Variants in CEMIP observed in about 807,000 individuals in gnomAD.
CEMIP encodes cell migration inducing hyaluronidase 1, also known as cell migration-inducing and hyaluronan-binding protein.
Under a neutral mutation model 156.9 loss-of-function variants are expected in CEMIP, and 105 were observed. The observed-to-expected ratio is 0.67, with a 90% CI of 0.57 to 0.79. The LOEUF (loss-of-function observed/expected upper bound fraction) is 0.79, where lower values mean the gene tolerates loss of function less well. Ranked by LOEUF, CEMIP falls within the 30% of genes least tolerant of loss-of-function variation. The pLI is 0.00. For missense variants in CEMIP, 1,457 were observed against 1,769.4 expected, an observed-to-expected ratio of 0.82 and a Z score of 3.17; for synonymous variants, 676 against 668.4, an observed-to-expected ratio of 1.01 and a Z score of -0.17.
At chr15:80,937,007 T>A in intron 24 of CEMIP, 122 bp downstream of exon 24, 1 of 926,276 alleles carries the variant, frequency 1.1e-6, no homozygotes, top group Admixed American at 1.9e-5. Flanking sequence ...CAGGAGTACC[T>A]AGAGGGGTTG....
At chr15:80,884,395 T>C in intron 7 of CEMIP, 41 bp downstream of exon 7, 4 of 1,593,840 alleles carry the variant, frequency 2.5e-6, no homozygotes, top group East Asian at 2.2e-5. Flanking sequence ...CTCTGGAACA[T>C]TGAAGCCACT....
intron 1 of CEMIP, among the ~76,000 whole-genome samples, chr15:80,812,533 C>A (rs28603083): frequency 0.011 from 1,639 of 152,176 alleles, 26 homozygotes; most frequent in African/African-American, 0.037. Context: ...TGCTTGTGGG[C>A]CTATTGTGAG....
At chr15:80,784,068 T>A (rs1895865405) in intron 1 of CEMIP, among the ~76,000 whole-genome samples, 1 of 152,214 alleles carries the variant, frequency 6.6e-6, no homozygotes, top group Non-Finnish European at 1.5e-5. Flanking sequence ...CACAGGCACC[T>A]GCTCAGAGCA....
At position 80,841,097 on chromosome 15, in the gene CEMIP, G is replaced by T. The variant is rs550420212; in HGVS notation, c.-175-32441G>T. Among the ~76,000 whole-genome samples, 8 of 152,310 alleles carry T rather than the reference G, an allele frequency of 5.3e-5. No homozygotes were observed. In the East Asian group the frequency reaches 7.7e-4, roughly 15 times the overall value. ...GTAGGCTGTGCCCCAGCTGAACGGG[G>T]CACCTGTGGCTTTGCCAGCTGATGG... On this transcript the variant is annotated intron_variant, in intron 1 of 29. Transcript: ENST00000394685.
chr15:80,847,610 T>C (rs1897595276), intron 1 of CEMIP, among the ~76,000 whole-genome samples: 1 of 152,180 alleles, frequency 6.6e-6, no homozygotes, highest in Non-Finnish European at 1.5e-5. Context: ...GCAAGATGCC[T>C]TTGACAAACA....
At chr15:80,936,938 T>C in intron 24 of CEMIP, 53 bp downstream of exon 24, 1 of 1,550,466 alleles carries the variant, frequency 6.4e-7, no homozygotes, top group Non-Finnish European at 8.9e-7. Flanking sequence ...AACGATGCCT[T>C]GTTGCAAAGT....
chr15:80,848,639 C>G (rs1169765732), intron 1 of CEMIP, among the ~76,000 whole-genome samples: 1 of 152,210 alleles, frequency 6.6e-6, no homozygotes, highest in African/African-American at 2.4e-5. Context: ...AGGAAGCCAT[C>G]TCTTGATGTC....
intron 1 of CEMIP, among the ~76,000 whole-genome samples, chr15:80,825,442 C>A (rs1028513222): frequency 1.3e-5 from 2 of 152,150 alleles, no homozygotes; most frequent in Non-Finnish European, 2.9e-5. Flanking sequence ...CCCTTTCCCC[C>A]ACCCTCGGTG....
At chr15:80,840,248 C>G (rs1330318568) in intron 1 of CEMIP, among the ~76,000 whole-genome samples, 2 of 152,144 alleles carry the variant, frequency 1.3e-5, no homozygotes, top group Admixed American at 1.3e-4. Flanking sequence ...GGGAATTCCA[C>G]ACAGAGTAGG....
chr15:80,837,963 C>T (rs1201226150), intron 1 of CEMIP, among the ~76,000 whole-genome samples: 1 of 152,238 alleles, frequency 6.6e-6, no homozygotes, highest in Non-Finnish European at 1.5e-5. Context: ...TAGGTGAGAA[C>T]ACCCTTTCTC....
chr15:80,932,589 T>C lies in CEMIP; in HGVS notation c.2793+550T>C, dbSNP rs1304958796. ...GGGGCCAGTCCTCCTGTGCATTTCC[T>C]TCAGGTTATGGATTCCCAGACTTTT... On this transcript the variant is annotated intron_variant, in intron 22 of 29. Coordinates refer to ENST00000394685, the MANE Select transcript of CEMIP (RefSeq NM_001293298.2). This position sits in a 1 kb window ranked among gnomAD's most constrained non-coding sequence, Gnocchi z 4.5. Among the ~76,000 whole-genome samples, 2 of 152,200 alleles carry C rather than the reference T, an allele frequency of 1.3e-5. No individual in the cohort carries two copies.
chr15:80,854,785 G>A (rs1897806411), intron 1 of CEMIP, among the ~76,000 whole-genome samples: 1 of 152,058 alleles, frequency 6.6e-6, no homozygotes, highest in Non-Finnish European at 1.5e-5. Context: ...GAGAAAACCA[G>A]GAAGAGGAAA....
At chr15:80,855,336 G>A (rs1043603114) in intron 1 of CEMIP, among the ~76,000 whole-genome samples, 8 of 152,184 alleles carry the variant, frequency 5.3e-5, no homozygotes, top group East Asian at 1.9e-4. Flanking sequence ...TGAAGAAGCT[G>A]CAGAACAGGG....
At position 80,849,669 on chromosome 15, in the gene CEMIP, C is replaced by CAGAGAG. The variant is rs151265419; in HGVS notation, c.-175-23854_-175-23849dup. ...CTGTGTGGTTGAGCAGAATGACCAC[C>CAGAGAG]AGAGAGAGAGAGAGAGAGAGTAAGC... On this transcript the variant is annotated intron_variant, in intron 1 of 29. Transcript: ENST00000394685. Among the ~76,000 whole-genome samples the CAGAGAG allele has an allele frequency of 1.8e-3, 266 of 150,174 alleles. 2 individuals are homozygous for CAGAGAG. The highest frequency in any genetic ancestry group is 5.3e-4 in the Non-Finnish European group (36 of 67,466).
intron 1 of CEMIP, among the ~76,000 whole-genome samples, chr15:80,858,918 T>C (rs537668578): frequency 1.3e-5 from 2 of 152,298 alleles, no homozygotes; most frequent in South Asian, 4.1e-4. Context: ...GTCTTGGTGC[T>C]CAAGTATTAG....
In CEMIP at chr15:80,925,672, C is replaced by G. The variant is rs769943591; in HGVS notation, c.2337C>G (p.Ala779=). 6.8e-6 allele frequency: 11 copies of G among 1,613,790 alleles called. No homozygotes were observed. In the Admixed American group the frequency reaches 1.7e-4, roughly 24 times the overall value. Residue 779 remains alanine, a synonymous_variant, in exon 19 of 30, where the codon GCC becomes GCG. Transcript: ENST00000394685. ...DADPLKPREP[A]IIRHFIAYKN... ...ACCCGCTGAAGCCCCGGGAGCCGGC[C>G]ATCATCAGACACTTCATTGCCTACA...
intron 1 of CEMIP, among the ~76,000 whole-genome samples, chr15:80,865,216 C>T (rs923863796): frequency 1.3e-5 from 2 of 152,174 alleles, no homozygotes; most frequent in African/African-American, 4.8e-5. Flanking sequence ...GAGTCTCGCT[C>T]TGTCACCCAG....
chr15:80,894,561 T>G (rs2141857187), intron 10 of CEMIP, among the ~76,000 whole-genome samples: 1 of 152,296 alleles, frequency 6.6e-6, no homozygotes, highest in African/African-American at 2.4e-5. Context: ...GGACTGGGCA[T>G]GAGTATTTTT....
intron 14 of CEMIP, among the ~76,000 whole-genome samples, chr15:80,916,257 C>G (rs1262892476): frequency 6.6e-6 from 1 of 152,224 alleles, no homozygotes; most frequent in African/African-American, 2.4e-5. Flanking sequence ...GTCACACCCT[C>G]CCCCGCCACT....
Sources: allele counts gnomAD v4.1 joint callset (sites outside exome capture counted in the v4.1 genomes callset), GRCh38; gene constraint gnomAD v4.1.1; non-coding constraint Gnocchi (gnomAD v3.1); transcripts MANE v1.5; gene names NCBI Gene and HGNC (gene_info 2026-07-23, HGNC 2026-07-21).